SAMD12: variants seen among roughly 807,000 people sequenced by gnomAD.
The protein encoded by SAMD12 is sterile alpha motif domain-containing protein 12.
SAMD12 carries 9 observed loss-of-function variants against 15.0 expected under a neutral mutation model. The observed-to-expected ratio is 0.60, with a 90% confidence interval of 0.36 to 1.05. The LOEUF is 1.05. Among genes scored for constraint, SAMD12 ranks in the 50% least tolerant of loss-of-function variants. SAMD12 has a pLI of 0.01. For synonymous variants in SAMD12, 86 were observed against 90.1 expected (o/e 0.96, Z 0.25); for missense variants, 230 against 234.2 (o/e 0.98, Z 0.12).
chr8:118,320,046 C>A (rs1167411596), intron 4 of SAMD12, among the ~76,000 whole-genome samples: 1 of 152,086 alleles, frequency 6.6e-6, no homozygotes, highest in Non-Finnish European at 1.5e-5. Context: ...TGTAAAGAAA[C>A]TGCAGAGTAG....
Position 118,440,657 on chromosome 8 carries a change from AACACACACACACACACACACACACACAC to A in SAMD12, c.193-724_193-697del, listed in dbSNP as rs34419362. On this transcript the variant is annotated intron_variant, in intron 2 of 3. Transcript: ENST00000314727. ...CTTTCAGGGAAGTATTTATGAGGAA[AACACACACACACACACACACACACACAC>A]ACACACACACAAACACACACACACA... is the stretch of plus-strand genomic sequence containing the variant. 1.5e-4 allele frequency among the ~76,000 whole-genome samples: 22 copies of A among 142,210 alleles called. No individual in the cohort carries two copies. In the South Asian group the frequency reaches 5.0e-3, roughly 32 times the overall value. 93.3% of individuals were successfully genotyped at this position (142,210 alleles called of 152,430 possible).
At chr8:118,232,646 G>A (rs1812341524) in intron 4 of SAMD12, among the ~76,000 whole-genome samples, 1 of 152,098 alleles carries the variant, frequency 6.6e-6, no homozygotes, top group Admixed American at 6.6e-5. Context: ...CTTTCCTCCT[G>A]CAAGTGAAGG....
At chr8:118,426,100 T>C (rs1290537498) in intron 3 of SAMD12, among the ~76,000 whole-genome samples, 1 of 152,232 alleles carries the variant, frequency 6.6e-6, no homozygotes, top group East Asian at 1.9e-4. Flanking sequence ...ATACAGTCTA[T>C]CTCTCTTGGC....
At chr8:118,522,366 G>T (rs539739451) in intron 2 of SAMD12, among the ~76,000 whole-genome samples, 2 of 152,152 alleles carry the variant, frequency 1.3e-5, no homozygotes, top group African/African-American at 4.8e-5. Flanking sequence ...CAGTATTTTG[G>T]GAGACCTAAG....
chr8:118,619,829 G>A (rs1212391984), intron 1 of SAMD12, among the ~76,000 whole-genome samples: 2 of 152,134 alleles, frequency 1.3e-5, no homozygotes, highest in Non-Finnish European at 2.9e-5. Flanking sequence ...CAGTTTCCCA[G>A]AGGAAGTGAC....
Position 118,277,019 on chromosome 8 carries a change from GT to G in SAMD12, c.434-79288del, listed in dbSNP as rs368312550. Among the ~76,000 whole-genome samples the G allele has an allele frequency of 6.5e-3, 987 of 151,238 alleles. 12 individuals are homozygous for G. Among genetic ancestry groups the G allele is most frequent in the African/African-American group, 0.023 (935 of 41,278 alleles). On this transcript the variant is annotated intron_variant, in intron 4 of 4. Transcript: ENST00000409003. ...AGTTTTTGAAGTCTCTCTTTCTCCA[GT>G]TTTTTTTTCCACAAGCTTAGGAATT...
chr8:118,509,706 A>C (rs1236312977), intron 2 of SAMD12, among the ~76,000 whole-genome samples: 1 of 152,096 alleles, frequency 6.6e-6, no homozygotes, highest in Admixed American at 6.5e-5. Context: ...TGAAAATTTT[A>C]CATCATTAAG....
At chr8:118,515,138 C>T (rs1176136405) in intron 2 of SAMD12, among the ~76,000 whole-genome samples, 1 of 151,654 alleles carries the variant, frequency 6.6e-6, no homozygotes, top group African/African-American at 2.4e-5. Context: ...CCTGCCTCAG[C>T]CTCCCGAGTA....
chr8:118,491,749 G>C (rs1024446288), intron 2 of SAMD12, among the ~76,000 whole-genome samples: 3 of 152,110 alleles, frequency 2.0e-5, no homozygotes, highest in Admixed American at 6.6e-5. Context: ...ATGTGTATGA[G>C]AATCAATCAT....
chr8:118,594,513 T>C (rs1427993504), intron 1 of SAMD12, among the ~76,000 whole-genome samples: 2 of 152,084 alleles, frequency 1.3e-5, no homozygotes, highest in Non-Finnish European at 1.5e-5. Flanking sequence ...GGCTAGCCAA[T>C]AGTTACGTTG....
rs73313433 is a variant in SAMD12, at chr8:118,438,503, T to G, written c.322+1329A>C. Among the ~76,000 whole-genome samples, 1,067 of 152,004 alleles carry G rather than the reference T, an allele frequency of 7.0e-3. 13 individuals are homozygous for G. The highest frequency in any genetic ancestry group is 0.025 in the African/African-American group (1,017 of 41,436). ...TACACAACAGACATGAAGGGAGTGGTTTTGGTTCACGCACCCGCCTCTACC... is the reference window on the plus strand; with the variant it reads ...TACACAACAGACATGAAGGGAGTGGGTTTGGTTCACGCACCCGCCTCTACC... On this transcript the variant is annotated intron_variant, in intron 3 of 3. Transcript: ENST00000314727.
intron 4 of SAMD12, among the ~76,000 whole-genome samples, chr8:118,230,954 G>C (rs1177387531): frequency 6.6e-6 from 1 of 152,094 alleles, no homozygotes; most frequent in East Asian, 1.9e-4. Context: ...GATGACTTTT[G>C]ATTCACAATT....
intron 2 of SAMD12, among the ~76,000 whole-genome samples, chr8:118,453,787 C>G (rs1044463387): frequency 2.0e-5 from 3 of 152,158 alleles, no homozygotes; most frequent in African/African-American, 7.2e-5. Flanking sequence ...TCCCAAAGTC[C>G]TGGGATTACA....
At chr8:118,518,635 A>G (rs1454675099) in intron 2 of SAMD12, among the ~76,000 whole-genome samples, 1 of 152,188 alleles carries the variant, frequency 6.6e-6, no homozygotes, top group Non-Finnish European at 1.5e-5. Context: ...ACCTAGCAAC[A>G]TACGAGCCCC....
chr8:118,236,859 A>G (rs1048453984), intron 4 of SAMD12, among the ~76,000 whole-genome samples: 2 of 152,214 alleles, frequency 1.3e-5, no homozygotes, highest in South Asian at 2.1e-4. Flanking sequence ...GAGACCAGGT[A>G]AAGTCATGCT....
intron 4 of SAMD12, among the ~76,000 whole-genome samples, chr8:118,335,879 G>A (rs1234701896): frequency 6.6e-6 from 1 of 152,090 alleles, no homozygotes; most frequent in Non-Finnish European, 1.5e-5. Context: ...TGGGACAACA[G>A]GTGCACACCA....
intron 3 of SAMD12, among the ~76,000 whole-genome samples, chr8:118,390,620 C>A (rs1380664339): frequency 2.0e-5 from 3 of 152,168 alleles, no homozygotes; most frequent in Non-Finnish European, 4.4e-5. Context: ...GGTCAGCCAA[C>A]CCATTGCCTC....
chr8:118,139,955 G>T, the SAMD12 span, among the ~76,000 whole-genome samples: 217 of 152,298 alleles, frequency 1.4e-3, 1 homozygote, highest in Non-Finnish European at 1.5e-3. Flanking sequence ...AACAAGTCCA[G>T]CTGGAAGGCG....
At chr8:118,142,712 C>A in the SAMD12 span, among the ~76,000 whole-genome samples, 2 of 152,196 alleles carry the variant, frequency 1.3e-5, no homozygotes, top group South Asian at 2.1e-4. Context: ...CAGATAAGTT[C>A]TTTGATGTCA....
Sources: gnomAD v4.1 joint callset for allele counts (sites outside exome capture counted in the v4.1 genomes callset) on GRCh38, gnomAD v4.1.1 for gene constraint, MANE v1.5 for transcripts, NCBI Gene and HGNC (gene_info 2026-07-23, HGNC 2026-07-21) for gene names.